The following MVB12B variants were observed in gnomAD, a reference collection of about 807,000 sequenced individuals.
MVB12B encodes the protein multivesicular body subunit 12B.
In MVB12B, 16 loss-of-function variants were observed where a neutral mutation model predicts 41.6. The ratio of observed to expected loss-of-function variants is 0.38; its 90% CI spans 0.26 to 0.58. MVB12B has a LOEUF of 0.58. MVB12B is among the 20% of genes least tolerant of loss of function. The pLI is 0.62. For missense variants in MVB12B, 274 were observed against 380.2 expected, an observed-to-expected ratio of 0.72 and a Z score of 2.32; for synonymous variants, 133 against 139.7, an observed-to-expected ratio of 0.95 and a Z score of 0.34.
intron 9 of MVB12B, among the ~76,000 whole-genome samples, chr9:126,494,560 C>T (rs1227172719): frequency 2.0e-5 from 3 of 152,206 alleles, no homozygotes; most frequent in African/African-American, 7.2e-5. Flanking sequence ...GATTTTCCTA[C>T]CCTTTTCTTA....
chr9:126,422,070 G>A, intron 7 of MVB12B, 122 bp downstream of exon 7: 2 of 735,790 alleles, frequency 2.7e-6, no homozygotes, highest in Non-Finnish European at 2.4e-6. Context: ...TTCCCTGCAG[G>A]GGACCTGTTC....
chr9:126,421,735 G>A, intron 6 of MVB12B, 119 bp from the exon 7 acceptor site: 2 of 750,694 alleles, frequency 2.7e-6, no homozygotes, highest in Non-Finnish European at 4.7e-6. Context: ...GCGCTGGCCA[G>A]AAGCACCTGC....
Position 126,376,571 on chromosome 9 carries a change from A to G in MVB12B, c.205-4493A>G. ...GGGCTGGTCCACCCTGGCGCTTTCC[A>G]GAGACAAAGCCCTCAGTGTCCAGTG... On this transcript the variant is annotated intron_variant, in intron 2 of 9. Transcript: ENST00000361171. The surrounding 1 kb of genome is among the most constrained non-coding windows in gnomAD (Gnocchi z 4.1). The G allele has an allele frequency of 7.8e-7, 1 of 1,289,376 alleles. No individual in the cohort carries two copies. 79.9% of individuals were successfully genotyped at this position (1,289,376 alleles called of 1,614,324 possible). A position where few individuals can be genotyped will look rare whatever the true frequency, so the allele number is the denominator to read the frequency against.
At chr9:126,482,937 G>A (rs1041202733) in intron 8 of MVB12B, among the ~76,000 whole-genome samples, 2 of 152,258 alleles carry the variant, frequency 1.3e-5, no homozygotes, top group Non-Finnish European at 2.9e-5. Context: ...ATGAGGAAGG[G>A]ATTTAACCCG....
chr9:126,477,447 C>G (rs117228741), intron 7 of MVB12B, among the ~76,000 whole-genome samples: 3,373 of 152,264 alleles, frequency 0.022, 46 homozygotes, highest in Non-Finnish European at 0.035. Context: ...GAAGAAATAC[C>G]TAAGACTTCA....
intron 9 of MVB12B, among the ~76,000 whole-genome samples, chr9:126,491,821 G>A (rs543012216): frequency 6.6e-6 from 1 of 152,216 alleles, no homozygotes; most frequent in African/African-American, 2.4e-5. Context: ...AGAAGTCTGA[G>A]GCTTCTTTTC....
At chr9:126,379,524 T>TG (rs1457032366) in intron 2 of MVB12B, among the ~76,000 whole-genome samples, 1 of 152,202 alleles carries the variant, frequency 6.6e-6, no homozygotes, top group Admixed American at 6.5e-5. Context: ...TTTCTATCTG[T>TG]GGGGGTGACA....
At chr9:126,453,327 G>A (rs1832917667) in intron 7 of MVB12B, among the ~76,000 whole-genome samples, 3 of 152,140 alleles carry the variant, frequency 2.0e-5, no homozygotes, top group South Asian at 4.1e-4. Flanking sequence ...AGGGGTGAAA[G>A]GTCCAGCTGC....
chr9:126,492,906 A>G (rs1277492834), intron 9 of MVB12B, among the ~76,000 whole-genome samples: 1 of 152,190 alleles, frequency 6.6e-6, no homozygotes, highest in Non-Finnish European at 1.5e-5. Flanking sequence ...CTTATGAGCC[A>G]CTGTGTTCTC....
chr9:126,437,189 T>C (rs1404095008), intron 7 of MVB12B, among the ~76,000 whole-genome samples: 1 of 152,202 alleles, frequency 6.6e-6, no homozygotes, highest in Admixed American at 6.5e-5. Flanking sequence ...GCTGTATTTG[T>C]TTGCTTGCGT....
chr9:126,347,493 T>G (rs1462078776), intron 2 of MVB12B, among the ~76,000 whole-genome samples: 1 of 152,218 alleles, frequency 6.6e-6, no homozygotes, highest in Non-Finnish European at 1.5e-5. Flanking sequence ...CCTGAATACT[T>G]GGAGTTTCAA....
intron 7 of MVB12B, among the ~76,000 whole-genome samples, chr9:126,451,850 T>A (rs989295318): frequency 6.6e-6 from 1 of 152,096 alleles, no homozygotes; most frequent in Non-Finnish European, 1.5e-5. Context: ...AGGTGGAATA[T>A]GAAGAGCAGA....
At chr9:126,396,793 A>G (rs560540405) in intron 6 of MVB12B, 1 of 985,472 alleles carries the variant, frequency 1.0e-6, no homozygotes, top group Non-Finnish European at 1.2e-6. Context: ...GAAACTTTAG[A>G]AGTAGTTTTC....
intron 1 of MVB12B, among the ~76,000 whole-genome samples, chr9:126,327,708 A>G (rs1180130401): frequency 6.6e-6 from 1 of 152,196 alleles, no homozygotes; most frequent in Non-Finnish European, 1.5e-5. Context: ...TAGACCCAAG[A>G]GCATCTTTTG....
chr9:126,483,561 G>A (rs1033422512), intron 8 of MVB12B, among the ~76,000 whole-genome samples: 6 of 152,098 alleles, frequency 3.9e-5, no homozygotes, highest in African/African-American at 9.7e-5. Flanking sequence ...GTGGCTGGGC[G>A]GCCTCCGGGG....
chr9:126,375,660 C>CGGTT (rs1830463325), intron 2 of MVB12B, among the ~76,000 whole-genome samples: 1 of 152,116 alleles, frequency 6.6e-6, no homozygotes, highest in South Asian at 2.1e-4. Context: ...GCTGATGCAT[C>CGGTT]CTCCAGTAGC....
rs191639543 is a variant in MVB12B, at chr9:126,335,716, G to A, written c.82-4792G>A. Among the ~76,000 whole-genome samples, 76 of 152,316 alleles carry A rather than the reference G, an allele frequency of 5.0e-4. No individual in the cohort carries two copies. In the Middle Eastern group the frequency reaches 0.014, roughly 27 times the overall value. On this transcript the variant is annotated intron_variant, in intron 1 of 9. Coordinates refer to ENST00000361171, the MANE Select transcript of MVB12B (RefSeq NM_033446.3). Reference sequence around the variant, plus strand: ...TACCTGCTCTTGTGGCGTTTCCTACGGCGAATGAAATGTTTATTCTTCTTC... The same window carrying A: ...TACCTGCTCTTGTGGCGTTTCCTACAGCGAATGAAATGTTTATTCTTCTTC...
chr9:126,396,656 A>G, intron 6 of MVB12B: 1 of 985,432 alleles, frequency 1.0e-6, no homozygotes, highest in Non-Finnish European at 1.2e-6. Context: ...ATGTGCTGTA[A>G]TGAGGCTCCA....
intron 7 of MVB12B, among the ~76,000 whole-genome samples, chr9:126,474,873 A>G (rs547411326): frequency 6.6e-6 from 1 of 152,232 alleles, no homozygotes; most frequent in East Asian, 1.9e-4. Flanking sequence ...GCCTCCTTGA[A>G]GGCCCCCGGG....
Sources: gnomAD v4.1 joint callset for allele counts (sites outside exome capture counted in the v4.1 genomes callset) on GRCh38, gnomAD v4.1.1 for gene constraint, Gnocchi (gnomAD v3.1) non-coding constraint, MANE v1.5 for transcripts, NCBI Gene and HGNC (gene_info 2026-07-23, HGNC 2026-07-21) for gene names.